MID1: variants seen among roughly 807,000 people sequenced by gnomAD.
The protein encoded by MID1 is E3 ubiquitin-protein ligase Midline-1.
In MID1, 7 loss-of-function variants were observed where a neutral mutation model predicts 40.4. The ratio of observed to expected loss-of-function variants is 0.17; its 90% confidence interval spans 0.10 to 0.33. MID1 has a LOEUF of 0.33. Ranked by LOEUF, MID1 falls within the 10% of genes least tolerant of loss-of-function variation. The pLI is 1.00. For synonymous variants in MID1, 229 were observed against 221.2 expected (o/e 1.04, Z -0.31); for missense variants, 367 against 558.5 (o/e 0.66, Z 3.46).
chrX:10,666,129 TAGGG>T (rs2042949227), intron 1 of MID1, among the ~76,000 whole-genome samples: 1 of 108,849 alleles, frequency 9.2e-6, no homozygotes, highest in East Asian at 3.0e-4. Context: ...AAGAGTGAAA[TAGGG>T]AAAGGCTATG....
At chrX:10,608,485 C>G (rs1262837285) in intron 1 of MID1, among the ~76,000 whole-genome samples, 1 of 111,577 alleles carries the variant, frequency 9.0e-6, no homozygotes, top group Non-Finnish European at 1.9e-5. Flanking sequence ...ATGTCAATCT[C>G]AAACAATTGC....
intron 2 of MID1, among the ~76,000 whole-genome samples, chrX:10,532,058 T>C (rs1455675723): frequency 8.9e-6 from 1 of 112,555 alleles, no homozygotes; most frequent in African/African-American, 3.2e-5. Context: ...AGGAAGCATT[T>C]TGTAAGACTA....
At chrX:10,614,280 T>C (rs1326241376) in intron 1 of MID1, among the ~76,000 whole-genome samples, 1 of 111,736 alleles carries the variant, frequency 8.9e-6, no homozygotes, top group Non-Finnish European at 1.9e-5. Flanking sequence ...CATAATTCCC[T>C]CTCAACTGGG....
intron 1 of MID1, among the ~76,000 whole-genome samples, chrX:10,602,600 T>C (rs765163260): frequency 8.9e-6 from 1 of 112,249 alleles, no homozygotes; most frequent in Non-Finnish European, 1.9e-5. Context: ...CTTCTCTCAT[T>C]TGGCATAACA....
At chrX:10,521,944 A>G (rs1932732265) in intron 3 of MID1, among the ~76,000 whole-genome samples, 1 of 111,748 alleles carries the variant, frequency 8.9e-6, no homozygotes, top group Admixed American at 9.4e-5. Flanking sequence ...GGCTTGGGTG[A>G]TCCTCCCACC....
intron 1 of MID1, among the ~76,000 whole-genome samples, chrX:10,740,263 G>A (rs1383865228): frequency 8.9e-6 from 1 of 112,988 alleles, no homozygotes; most frequent in South Asian, 3.6e-4. Flanking sequence ...ATGACTTGGG[G>A]TTGGCTACAC....
At chrX:10,809,472 T>G (rs1265203050) in intron 1 of MID1, among the ~76,000 whole-genome samples, 1 of 111,642 alleles carries the variant, frequency 9.0e-6, no homozygotes, top group Non-Finnish European at 1.9e-5. Context: ...TAAAGACACA[T>G]GCACACATAT....
chrX:10,593,762 G>GACACACACACACACACAC (rs57390547), intron 1 of MID1, among the ~76,000 whole-genome samples: 2 of 83,337 alleles, frequency 2.4e-5, no homozygotes, highest in African/African-American at 8.8e-5. Context: ...CTGTCCCTCT[G>GACACACACACACACACAC]ACACACACAC....
chrX:10,539,481 CATA>C (rs1933385629), intron 2 of MID1, among the ~76,000 whole-genome samples: 1 of 111,768 alleles, frequency 8.9e-6, no homozygotes, highest in Admixed American at 9.5e-5. Context: ...TTCTATTTTA[CATA>C]ATGATGACTA....
At chrX:10,829,243 C>G (rs192981026) in intron 1 of MID1, among the ~76,000 whole-genome samples, 34 of 112,169 alleles carry the variant, frequency 3.0e-4, no homozygotes, top group African/African-American at 1.1e-3. Flanking sequence ...AGAACAATAG[C>G]TATAAATAAT....
intron 2 of MID1, among the ~76,000 whole-genome samples, chrX:10,528,515 C>T (rs928180077): frequency 7.2e-5 from 8 of 111,700 alleles, no homozygotes; most frequent in African/African-American, 2.6e-4. Context: ...TGTTCTTGGA[C>T]ACAATGACTC....
chrX:10,540,212 A>G (rs1180074968), intron 2 of MID1, among the ~76,000 whole-genome samples: 2 of 111,713 alleles, frequency 1.8e-5, no homozygotes, highest in Non-Finnish European at 3.8e-5. Flanking sequence ...AAAAAGAAAA[A>G]GAAAAAAGGA....
At chrX:10,734,913 G>A (rs755147476) in intron 1 of MID1, among the ~76,000 whole-genome samples, 1 of 111,616 alleles carries the variant, frequency 9.0e-6, no homozygotes, top group South Asian at 3.8e-4. Flanking sequence ...GTGATTCCTA[G>A]ACTGTTCTTC....
At chrX:10,475,881 T>C (rs998284779) in intron 5 of MID1, among the ~76,000 whole-genome samples, 1 of 111,896 alleles carries the variant, frequency 8.9e-6, no homozygotes, top group African/African-American at 3.2e-5. Context: ...TTCTGTTTCA[T>C]CTAGAAAAAT....
At chrX:10,707,769 C>T (rs1054475837) in intron 1 of MID1, among the ~76,000 whole-genome samples, 4 of 112,004 alleles carry the variant, frequency 3.6e-5, no homozygotes, top group Admixed American at 1.9e-4. Flanking sequence ...ATGTGCTTTG[C>T]GGCCCAGAGT....
intron 1 of MID1, among the ~76,000 whole-genome samples, chrX:10,789,277 TAA>T (rs1442121381): frequency 8.9e-6 from 1 of 112,413 alleles, no homozygotes; most frequent in Non-Finnish European, 1.9e-5. Context: ...ATTAAAAATG[TAA>T]GTAATCTACT....
At chrX:10,726,942 G>A (rs984219820) in intron 1 of MID1, among the ~76,000 whole-genome samples, 1 of 112,237 alleles carries the variant, frequency 8.9e-6, no homozygotes, top group African/African-American at 3.2e-5. Context: ...GTGGGACTGG[G>A]AAGGGCTACA....
intron 1 of MID1, among the ~76,000 whole-genome samples, chrX:10,750,460 G>A (rs1273011677): frequency 9.2e-6 from 1 of 108,230 alleles, no homozygotes; most frequent in African/African-American, 3.4e-5. Flanking sequence ...GGTGAAACCC[G>A]TCTCTACTAA....
chrX:10,691,822 A>T (rs750573495), intron 1 of MID1, among the ~76,000 whole-genome samples: 7 of 111,691 alleles, frequency 6.3e-5, no homozygotes, highest in Non-Finnish European at 1.3e-4. Context: ...TGAGGAGGAG[A>T]AATATCGCTG....
Sources: allele counts gnomAD v4.1 joint callset (sites outside exome capture counted in the v4.1 genomes callset), GRCh38; gene constraint gnomAD v4.1.1; transcripts MANE v1.5; gene names NCBI Gene and HGNC (gene_info 2026-07-23, HGNC 2026-07-21).